Variants in THOC1 observed in about 807,000 individuals in gnomAD.
THOC1 encodes the protein THO complex subunit 1.
Under a neutral mutation model 97.3 loss-of-function variants are expected in THOC1, and 29 were observed. The observed-to-expected ratio is 0.30, with a 90% CI of 0.22 to 0.41. The LOEUF (loss-of-function observed/expected upper bound fraction) is 0.41. Among genes scored for constraint, THOC1 ranks in the 10% least tolerant of loss-of-function variants. The pLI, the probability that THOC1 is intolerant of heterozygous loss-of-function variation, is 1.00. For synonymous variants in THOC1, 255 were observed against 257.0 expected (o/e 0.99, Z 0.07); for missense variants, 529 against 761.9 (o/e 0.69, Z 3.60).
rs539427242 is a variant in THOC1, at chr18:246,548, C to T, written c.787-93G>A. On this transcript the variant is annotated intron_variant, in intron 10 of 20. Coordinates refer to ENST00000261600, the MANE Select transcript of THOC1 (RefSeq NM_005131.3). ...AAAATGCCTAGAATTTACTCCCAGT[C>T]AATCATGTATGTAGACTGTATATTG... The T allele has an allele frequency of 3.7e-6, 4 of 1,081,838 alleles. No individual in the cohort carries two copies. In the East Asian group the frequency reaches 9.6e-5, roughly 26 times the overall value. The allele number at this position is 1,081,838 out of a possible 1,614,324, so 67.0% of individuals were successfully genotyped here.
intron 1 of THOC1, among the ~76,000 whole-genome samples, chr18:266,539 A>ATT (rs10644972): frequency 0.3 from 41,391 of 135,998 alleles, 6,773 homozygotes; most frequent in South Asian, 0.36. Flanking sequence ...GGCTAGTATG[A>ATT]TTTTTTTTTT....
In THOC1 at chr18:265,294, C is replaced by T. The variant is rs1295703294; in HGVS notation, c.189+9G>A. On this transcript the variant is annotated intron_variant, in intron 3 of 20. Transcript: ENST00000261600. Reference sequence around the variant, plus strand: ...CAGTAAAATTTTAACAATGGAAAAACATACTTACAATTTCTTCTTCTAGAA... The same window carrying T: ...CAGTAAAATTTTAACAATGGAAAAATATACTTACAATTTCTTCTTCTAGAA... The T allele has an allele frequency of 4.4e-6, 7 of 1,575,426 alleles. No homozygotes were observed. The African/African-American group carries it at 9.6e-5, about 22-fold the overall frequency.
At chr18:222,790 C>T (rs1911136264) in intron 17 of THOC1, among the ~76,000 whole-genome samples, 1 of 152,124 alleles carries the variant, frequency 6.6e-6, no homozygotes, top group African/African-American at 2.4e-5. Context: ...TCTGTTTTTT[C>T]TCTCTGGTGA....
In THOC1 at chr18:259,293, T is replaced by C. The variant is rs1912530837; in HGVS notation, c.425-18A>G. 6.4e-7 allele frequency: 1 copy of C among 1,559,954 alleles called. No individual in the cohort carries two copies. Among genetic ancestry groups the C allele is most frequent in the Admixed American group, 1.8e-5 (1 of 55,318 alleles). On this transcript the variant is annotated intron_variant, in intron 6 of 20. Coordinates refer to ENST00000261600, the MANE Select transcript of THOC1 (RefSeq NM_005131.3). ...TAGGAGATCTAACAATATATGAAAA[T>C]GAACGTTACACAGAAAAGATAATTC...
At chr18:256,783 A>G (rs1912450202) in intron 7 of THOC1, among the ~76,000 whole-genome samples, 1 of 152,228 alleles carries the variant, frequency 6.6e-6, no homozygotes, top group Non-Finnish European at 1.5e-5. Flanking sequence ...TCTACTGTGG[A>G]TAAGATGCTA....
intron 11 of THOC1, among the ~76,000 whole-genome samples, chr18:229,914 G>A (rs1277742069): frequency 6.7e-6 from 1 of 149,874 alleles, no homozygotes; most frequent in Non-Finnish European, 1.5e-5. Context: ...CTTCTCTTCT[G>A]AATCTACACT....
intron 9 of THOC1, among the ~76,000 whole-genome samples, chr18:249,048 C>T (rs1322237245): frequency 6.6e-6 from 1 of 152,148 alleles, no homozygotes; most frequent in African/African-American, 2.4e-5. Context: ...CTGCACCCGG[C>T]CTATTCTTTT....
At chr18:252,760 T>C (rs1912321352) in intron 8 of THOC1, 148 bp from the exon 9 acceptor site, 1 of 653,180 alleles carries the variant, frequency 1.5e-6, no homozygotes, top group Non-Finnish European at 2.7e-6. Flanking sequence ...ATAGTTAATC[T>C]GTAAGGCAAT....
chr18:259,996 T>G (rs1912553202), intron 5 of THOC1, 190 bp downstream of exon 5: 2 of 521,780 alleles, frequency 3.8e-6, no homozygotes, highest in Non-Finnish European at 6.7e-6. Context: ...TCAAATTTTG[T>G]ATTTCAAGTT....
chr18:220,757 T>C lies in THOC1; in HGVS notation c.1371-1788A>G, dbSNP rs376549125. On this transcript the variant is annotated intron_variant, in intron 17 of 20. Transcript: ENST00000261600. ...TTCACTCTCACAGATTTGGCAGGAA[T>C]CAATCATGTTAGAATTTTATCTATT... Among the ~76,000 whole-genome samples the C allele has an allele frequency of 5.9e-5, 9 of 152,364 alleles. No individual in the cohort carries two copies. The East Asian group carries it at 1.5e-3, about 26-fold the overall frequency.
chr18:267,789 A>T (rs1912827671), intron 1 of THOC1, among the ~76,000 whole-genome samples, 177 bp downstream of exon 1: 1 of 151,942 alleles, frequency 6.6e-6, no homozygotes. Flanking sequence ...GCCCACAAAG[A>T]AGAGGCGGGT....
intron 9 of THOC1, 148 bp downstream of exon 9, chr18:252,391 T>C: frequency 1.5e-6 from 1 of 650,128 alleles, no homozygotes; most frequent in Non-Finnish European, 2.6e-6. Context: ...GATTTACGAT[T>C]TATTAAGTAA....
chr18:264,284 G>C (rs929272514), intron 3 of THOC1, among the ~76,000 whole-genome samples, 192 bp from the exon 4 acceptor site: 2 of 152,170 alleles, frequency 1.3e-5, no homozygotes, highest in Non-Finnish European at 2.9e-5. Context: ...AATAGTCGTA[G>C]AAGTATGTCA....
Position 214,770 on chromosome 18 carries a change from C to T in THOC1, c.1830G>A (p.Lys610=), listed in dbSNP as rs375931679. ...CAACCAGGAGCTGCTTAGCTCTCATCTTCATGTCTTCACTGTCACACTCAA... is the reference window on the plus strand; with the variant it reads ...CAACCAGGAGCTGCTTAGCTCTCATTTTCATGTCTTCACTGTCACACTCAA... The part of the protein sequence containing the change: ...RQIECDSEDM[K]MRAKQLLVAW... The change falls in exon 21 of 21, where the codon AAG becomes AAA. Residue 610 remains lysine (K), a synonymous_variant. Transcript: ENST00000261600. 1.9e-5 allele frequency: 30 copies of T among 1,613,852 alleles called. No individual in the cohort carries two copies. In the East Asian group the frequency reaches 5.8e-4, roughly 31 times the overall value.
intron 15 of THOC1, 38 bp from the exon 16 acceptor site, chr18:224,217 A>G (rs751122259): frequency 1.5e-6 from 2 of 1,362,060 alleles, no homozygotes; most frequent in Non-Finnish European, 1.0e-6. Context: ...TTTGAATTAC[A>G]AATGGATAAC....
In THOC1 at chr18:242,270, A is replaced by G. The variant is rs1911931996; in HGVS notation, c.918+4054T>C. 6.6e-6 allele frequency among the ~76,000 whole-genome samples: 1 copy of G among 151,542 alleles called. No homozygotes were observed. Among genetic ancestry groups the G allele is most frequent in the Non-Finnish European group, 1.5e-5 (1 of 68,000 alleles). Reference sequence around the variant, plus strand: ...GGCAGGCAGATCACCTGAGGCTGCGAGTTCGAGACCAGCCTGGCCAACATG... The same window carrying G: ...GGCAGGCAGATCACCTGAGGCTGCGGGTTCGAGACCAGCCTGGCCAACATG... On this transcript the variant is annotated intron_variant, in intron 11 of 20. Coordinates refer to ENST00000261600, the MANE Select transcript of THOC1 (RefSeq NM_005131.3). The surrounding 1 kb of genome is among the most constrained non-coding windows in gnomAD (Gnocchi z 4.5).
chr18:230,931 C>G (rs555811237), intron 11 of THOC1, among the ~76,000 whole-genome samples: 13 of 152,212 alleles, frequency 8.5e-5, no homozygotes, highest in Non-Finnish European at 1.5e-4. Context: ...TTTGTAGAGA[C>G]AGAGTCTCAC....
chr18:248,101 A>C, intron 9 of THOC1, 144 bp from the exon 10 acceptor site: 1 of 577,828 alleles, frequency 1.7e-6, no homozygotes, highest in South Asian at 2.5e-5. Context: ...ATGCTTATAT[A>C]AACTTTTACA....
At chr18:258,316 A>T (rs538563310) in intron 7 of THOC1, among the ~76,000 whole-genome samples, 1 of 152,278 alleles carries the variant, frequency 6.6e-6, no homozygotes, top group South Asian at 2.1e-4. Context: ...GAAAAAAAAT[A>T]AAGGAGAAGT....
Sources: gnomAD v4.1 joint callset for allele counts (sites outside exome capture counted in the v4.1 genomes callset) on GRCh38, gnomAD v4.1.1 for gene constraint, Gnocchi (gnomAD v3.1) non-coding constraint, MANE v1.5 for transcripts, NCBI Gene and HGNC (gene_info 2026-07-23, HGNC 2026-07-21) for gene names.